RUFY1: variants seen among roughly 807,000 people sequenced by gnomAD.
The protein encoded by RUFY1 is RUN and FYVE domain containing 1.
Under a neutral mutation model 94.6 loss-of-function variants are expected in RUFY1, and 54 were observed. The ratio of observed to expected loss-of-function variants is 0.57; its 90% CI spans 0.46 to 0.72. The LOEUF is 0.72. RUFY1 is among the 30% of genes least tolerant of loss of function. RUFY1 has a pLI of 0.00. For missense variants in RUFY1, 883 were observed against 883.9 expected (o/e 1.00, Z 0.01); for synonymous variants, 396 against 347.3 (o/e 1.14, Z -1.56).
intron 16 of RUFY1, 143 bp downstream of exon 16, chr5:179,606,067 T>A (rs1310096569): frequency 1.6e-6 from 1 of 641,332 alleles, no homozygotes; most frequent in Non-Finnish European, 2.7e-6. Flanking sequence ...AGCCAAACGC[T>A]GCTCAGAAAC....
At chr5:179,550,939 C>T (rs1407694784) in intron 1 of RUFY1, 60 bp downstream of exon 1, 2 of 1,023,296 alleles carry the variant, frequency 2.0e-6, no homozygotes, top group Non-Finnish European at 1.2e-6. Context: ...GCCGCCGGCG[C>T]GGGCGCGGTG....
rs1186486577 is a variant in RUFY1 at position 179,580,247 on chromosome 5, T to TATA, written c.891-700_891-699insATA. Among the ~76,000 whole-genome samples, 158 of 47,070 alleles carry TATA rather than the reference T, an allele frequency of 3.4e-3. 1 individual carries two copies. Among genetic ancestry groups the TATA allele is most frequent in the African/African-American group, 5.6e-3 (95 of 16,824 alleles). The allele number at this position is 47,070 out of a possible 152,430, so 30.9% of individuals were successfully genotyped here. ...TGTGTGTGTGTGTGTGTGTGTATAT[T>TATA]TTTTTTTTTTTTTGAGACGGAGTCT... On this transcript the variant is annotated intron_variant, in intron 6 of 17. Coordinates refer to ENST00000319449, the MANE Select transcript of RUFY1 (RefSeq NM_025158.5).
chr5:179,601,831 AAAAAAAAAAAAAG>A (rs1766447307), intron 14 of RUFY1, 48 bp from the exon 15 acceptor site: 8 of 1,110,878 alleles, frequency 7.2e-6, no homozygotes, highest in Non-Finnish European at 1.0e-5. Flanking sequence ...AAAAAAAAAA[AAAAAAAAAAAAAG>A]GACCGTGTAA....
At chr5:179,607,530 T>C in intron 16 of RUFY1, 52 bp from the exon 17 acceptor site, 1 of 1,502,612 alleles carries the variant, frequency 6.7e-7, no homozygotes, top group South Asian at 1.1e-5. Flanking sequence ...AGCTACCCAC[T>C]CATCAGGGGC....
intron 8 of RUFY1, among the ~76,000 whole-genome samples, chr5:179,587,663 G>T (rs1163453137): frequency 6.7e-6 from 1 of 149,298 alleles, no homozygotes; most frequent in African/African-American, 2.5e-5. Flanking sequence ...GCCTCCCAAA[G>T]TGCTGGGATT....
intron 2 of RUFY1, among the ~76,000 whole-genome samples, chr5:179,560,797 T>G (rs1445716034): frequency 6.6e-6 from 1 of 152,058 alleles, no homozygotes; most frequent in Non-Finnish European, 1.5e-5. Context: ...GATAAAACTT[T>G]TAAAAATTAA....
Position 179,609,399 on chromosome 5 carries a change from C to T in RUFY1, c.2007C>T (p.His669=), listed in dbSNP as rs767329453. The change falls in exon 18 of 18, where the codon CAC becomes CAT. Residue 669 remains histidine, a synonymous_variant. Transcript: ENST00000319449. ...RRKHHCRNCG[H]IFCNTCSSNE... ...AGCACCACTGCCGGAACTGTGGCCA[C>T]ATCTTCTGCAACACCTGCTCCAGCA... is the stretch of plus-strand genomic sequence containing the variant. The T allele has an allele frequency of 1.5e-5, 24 of 1,613,500 alleles. No individual in the cohort carries two copies. The highest frequency in any genetic ancestry group is 2.0e-5 in the Non-Finnish European group (24 of 1,179,990).
intron 1 of RUFY1, chr5:179,555,819 AATTG>A (rs1330522861): frequency 1.1e-5 from 3 of 276,096 alleles, no homozygotes; most frequent in Admixed American, 5.1e-5. Flanking sequence ...TTTTTTTTTT[AATTG>A]ATCATTCTTG....
chr5:179,598,561 C>T (rs1471467678), intron 13 of RUFY1, 131 bp from the exon 14 acceptor site: 18 of 1,002,398 alleles, frequency 1.8e-5, no homozygotes, highest in Non-Finnish European at 2.6e-5. Context: ...GAGAGGGAAG[C>T]GTTGCCGAAG....
chr5:179,576,986 A>G (rs1477890897), intron 5 of RUFY1, 89 bp from the exon 6 acceptor site: 38 of 916,274 alleles, frequency 4.1e-5, no homozygotes, highest in Non-Finnish European at 5.9e-5. Flanking sequence ...TAGGAAAGAG[A>G]TAAGAATGAA....
chr5:179,591,868 A>G (rs981776047), intron 10 of RUFY1, 127 bp downstream of exon 10: 2 of 564,638 alleles, frequency 3.5e-6, no homozygotes, highest in Non-Finnish European at 6.1e-6. Context: ...CATTAAAAAA[A>G]TTTTTTTTAA....
At position 179,607,389 on chromosome 5, in the gene RUFY1, C is replaced by T. The variant is rs907575800; in HGVS notation, c.1906-193C>T. On this transcript the variant is annotated intron_variant, in intron 16 of 17. Transcript: ENST00000319449. ...AGAGGTGGAGCACGGAGCTAGGATG[C>T]AGAAATCCCGGCTGCGGCCAGACGG... 11 of 597,104 alleles carry T rather than the reference C, an allele frequency of 1.8e-5. No individual in the cohort carries two copies. The Admixed American group carries it at 3.2e-4, about 18-fold the overall frequency. The allele number at this position is 597,104 out of a possible 1,614,324, so 37.0% of individuals were successfully genotyped here.
intron 14 of RUFY1, among the ~76,000 whole-genome samples, chr5:179,600,683 A>ATTTTTTTT (rs1766266349): frequency 1.8e-5 from 2 of 108,832 alleles, no homozygotes; most frequent in African/African-American, 7.4e-5. Flanking sequence ...TATGATGGTA[A>ATTTTTTTT]CTTTTTTTTT....
At chr5:179,591,324 A>G (rs967760814) in intron 9 of RUFY1, among the ~76,000 whole-genome samples, 3 of 151,928 alleles carry the variant, frequency 2.0e-5, no homozygotes, top group African/African-American at 4.8e-5. Flanking sequence ...AGCTGGGACT[A>G]CAGGCGCCCA....
chr5:179,596,286 T>A (rs950730960), intron 12 of RUFY1: 7 of 505,962 alleles, frequency 1.4e-5, no homozygotes, highest in African/African-American at 1.4e-4. Flanking sequence ...CTCAAGGTTA[T>A]ATAATGTATA....
In RUFY1 at chr5:179,550,899, G is replaced by A; in HGVS notation, c.310+20G>A. On this transcript the variant is annotated intron_variant, in intron 1 of 17. Transcript: ENST00000319449. ...GCGCAGGTAGGCTCGGGCCGGGTCT[G>A]TCCCGCGGCGGACTCGCGTGTCCCC... 1 of 1,118,292 alleles carries A rather than the reference G, an allele frequency of 8.9e-7. No individual in the cohort carries two copies. The highest frequency in any genetic ancestry group is 1.7e-5 in the African/African-American group (1 of 60,276). The allele number at this position is 1,118,292 out of a possible 1,614,324, so 69.3% of individuals were successfully genotyped here. A position where few individuals can be genotyped will look rare whatever the true frequency, so the allele number is the denominator to read the frequency against.
At chr5:179,552,088 C>G (rs1027547462) in intron 1 of RUFY1, among the ~76,000 whole-genome samples, 2 of 133,798 alleles carry the variant, frequency 1.5e-5, no homozygotes, top group South Asian at 5.0e-4. Flanking sequence ...TCGCTTGAAC[C>G]TGGGAGGCAG....
intron 17 of RUFY1, among the ~76,000 whole-genome samples, 191 bp from the exon 18 acceptor site, chr5:179,609,185 C>T (rs576201411): frequency 7.5e-6 from 1 of 132,686 alleles, no homozygotes; most frequent in Non-Finnish European, 1.5e-5. Flanking sequence ...GCAGCCCGGG[C>T]GACTGAGCAA....
Position 179,560,049 on chromosome 5 carries a change from A to G in RUFY1, c.335A>G (p.Glu112Gly). The G allele has an allele frequency of 6.2e-7, 1 of 1,613,846 alleles. No individual in the cohort carries two copies. Residue 112 changes from glutamate to glycine, a missense_variant, in exon 2 of 18, where the codon GAG becomes GGG. Physicochemically the swap from Glu to Gly is moderately conservative, Grantham distance 98. Coordinates refer to ENST00000319449, the MANE Select transcript of RUFY1 (RefSeq NM_025158.5). ...GCTTCTAAGTGCCAGATGATGGAGG[A>G]GCGTGCCAACCTGATGCACATGATG... ...RAASKCQMMEERANLMHMMKL... is the reference protein window; with the variant it reads ...RAASKCQMMEGRANLMHMMKL...
Sources: gnomAD v4.1 joint callset for allele counts (sites outside exome capture counted in the v4.1 genomes callset) on GRCh38, gnomAD v4.1.1 for gene constraint, MANE v1.5 for transcripts, NCBI Gene and HGNC (gene_info 2026-07-23, HGNC 2026-07-21) for gene names.